The following DLG2 variants were observed in gnomAD, a reference collection of about 807,000 sequenced individuals.
The protein encoded by DLG2 is disks large homolog 2.
DLG2 carries 45 observed loss-of-function variants against 132.5 expected under a neutral mutation model. The observed-to-expected ratio is 0.34, with a 90% CI of 0.27 to 0.44. DLG2 has a LOEUF of 0.44. Ranked by LOEUF, DLG2 falls within the 20% of genes least tolerant of loss-of-function variation. The pLI is 1.00. For missense variants in DLG2, 1,045 were observed against 1,196.9 expected, an observed-to-expected ratio of 0.87 and a Z score of 1.87; for synonymous variants, 424 against 419.6, an observed-to-expected ratio of 1.01 and a Z score of -0.13.
At chr11:85,439,660 G>A (rs1419183447) in intron 3 of DLG2, among the ~76,000 whole-genome samples, 1 of 152,010 alleles carries the variant, frequency 6.6e-6, no homozygotes, top group Admixed American at 6.6e-5. Flanking sequence ...CGCCCGGCCT[G>A]TTTCCTCAGC....
intron 3 of DLG2, chr11:85,524,876 G>T (rs934037096): frequency 6.6e-6 from 1 of 152,098 alleles, no homozygotes; most frequent in African/African-American, 2.4e-5. Flanking sequence ...TATTGTTTCA[G>T]GGTGGACACA....
intron 6 of DLG2, among the ~76,000 whole-genome samples, chr11:84,686,605 C>G (rs1221590417): frequency 6.7e-6 from 1 of 148,336 alleles, no homozygotes; most frequent in Non-Finnish European, 1.5e-5. Flanking sequence ...CACCTTGTAA[C>G]CAAATTCTTT....
At chr11:85,032,397 T>C (rs920776477) in intron 6 of DLG2, among the ~76,000 whole-genome samples, 2 of 152,188 alleles carry the variant, frequency 1.3e-5, no homozygotes, top group Non-Finnish European at 2.9e-5. Context: ...AAATTATAAG[T>C]TCTAAAAAAT....
chr11:85,606,299 C>T (rs939388105), intron 2 of DLG2, among the ~76,000 whole-genome samples: 3 of 152,122 alleles, frequency 2.0e-5, no homozygotes, highest in Non-Finnish European at 4.4e-5. Context: ...AGAGGTGAAG[C>T]CGGCTGGCTT....
intron 6 of DLG2, among the ~76,000 whole-genome samples, chr11:84,825,194 G>T (rs900150593): frequency 5.9e-5 from 9 of 151,906 alleles, no homozygotes; most frequent in Non-Finnish European, 1.5e-5. Context: ...AGGCCCAGGT[G>T]TTAGGAGACC....
chr11:84,374,277 C>A (rs1049969078), intron 7 of DLG2, among the ~76,000 whole-genome samples: 4 of 152,136 alleles, frequency 2.6e-5, no homozygotes, highest in Non-Finnish European at 5.9e-5. Context: ...GTAATCCACC[C>A]AATTTGAACA....
chr11:84,815,751 C>T (rs2077021988), intron 6 of DLG2, among the ~76,000 whole-genome samples: 2 of 152,016 alleles, frequency 1.3e-5, no homozygotes, highest in Non-Finnish European at 1.5e-5. Flanking sequence ...CTTGGATTAT[C>T]TGCCCCAGTG....
chr11:83,760,871 C>T (rs1201441759), intron 18 of DLG2, among the ~76,000 whole-genome samples: 1 of 152,130 alleles, frequency 6.6e-6, no homozygotes, highest in African/African-American at 2.4e-5. Context: ...ACCTTTCTGC[C>T]TACATCAAGT....
At position 83,829,268 on chromosome 11, in the gene DLG2, C is replaced by T. The variant is rs570657327; in HGVS notation, c.1722+4346G>A. The stretch of plus-strand genomic sequence containing the variant: ...CTGGGGTGCAGTGGTGTGATCTTGG[C>T]TCACTGCAGCCTCTGCCTCCTGGGT... On this transcript the variant is annotated intron_variant, in intron 17 of 27. Transcript: ENST00000376104. Among the ~76,000 whole-genome samples the T allele has an allele frequency of 1.3e-4, 19 of 146,254 alleles. No homozygotes were observed. In the South Asian group the frequency reaches 4.1e-3, roughly 31 times the overall value.
chr11:84,019,671 A>G (rs1341040670), intron 11 of DLG2, among the ~76,000 whole-genome samples: 1 of 152,184 alleles, frequency 6.6e-6, no homozygotes, highest in East Asian at 1.9e-4. Context: ...GTTTTAATAA[A>G]TGGAAAATTT....
At chr11:84,785,646 T>A (rs1241810752) in intron 6 of DLG2, among the ~76,000 whole-genome samples, 2 of 152,156 alleles carry the variant, frequency 1.3e-5, no homozygotes, top group Non-Finnish European at 2.9e-5. Flanking sequence ...TCCTATTGAT[T>A]CGTTTTCAAA....
At chr11:84,797,143 G>A (rs940224441) in intron 6 of DLG2, among the ~76,000 whole-genome samples, 5 of 152,000 alleles carry the variant, frequency 3.3e-5, no homozygotes, top group Non-Finnish European at 5.9e-5. Context: ...CACCATGCCC[G>A]GCCTATGATT....
chr11:85,616,100 C>T (rs2081319004), intron 2 of DLG2, among the ~76,000 whole-genome samples: 2 of 152,146 alleles, frequency 1.3e-5, no homozygotes, highest in South Asian at 4.1e-4. Context: ...ATGTAGTCAA[C>T]TGATGGTAAA....
chr11:84,073,531 C>A (rs753536908), intron 10 of DLG2, among the ~76,000 whole-genome samples: 8 of 152,198 alleles, frequency 5.3e-5, no homozygotes, highest in Middle Eastern at 3.4e-3. Context: ...CAGTTGCCAA[C>A]GAGAAAGATA....
chr11:83,528,807 CATT>C (rs1247562243), intron 21 of DLG2, among the ~76,000 whole-genome samples: 1 of 152,108 alleles, frequency 6.6e-6, no homozygotes, highest in Admixed American at 6.6e-5. Flanking sequence ...GCTGTATTAT[CATT>C]GTTTGCCTGC....
intron 4 of DLG2, among the ~76,000 whole-genome samples, chr11:85,273,402 T>G (rs2077671956): frequency 6.6e-6 from 1 of 151,890 alleles, no homozygotes; most frequent in South Asian, 2.1e-4. Context: ...TTAAAAAAAT[T>G]TACAAGAAAA....
intron 6 of DLG2, among the ~76,000 whole-genome samples, chr11:85,070,435 A>G (rs2065671174): frequency 1.3e-5 from 2 of 151,846 alleles, no homozygotes; most frequent in South Asian, 4.1e-4. Flanking sequence ...TGGAGAAAGA[A>G]ACCGTGTGGA....
At chr11:83,567,784 C>T (rs530445072) in intron 19 of DLG2, among the ~76,000 whole-genome samples, 3 of 152,114 alleles carry the variant, frequency 2.0e-5, no homozygotes, top group South Asian at 4.2e-4. Flanking sequence ...GGTATAGAGA[C>T]CTGAGACCAC....
At chr11:84,054,323 C>T (rs1945815) in intron 11 of DLG2, among the ~76,000 whole-genome samples, 131,244 of 152,012 alleles carry the variant, frequency 0.86, 56,961 homozygotes, top group Middle Eastern at 0.93. Context: ...AAGCCTTTTA[C>T]AGTAAATCTA....
Sources: gnomAD v4.1 joint callset for allele counts (sites outside exome capture counted in the v4.1 genomes callset) on GRCh38, gnomAD v4.1.1 for gene constraint, MANE v1.5 for transcripts, NCBI Gene and HGNC (gene_info 2026-07-23, HGNC 2026-07-21) for gene names.